Variants in RYK observed in about 807,000 individuals in gnomAD.
The protein encoded by RYK is inactive tyrosine-protein kinase RYK.
Under a neutral mutation model 70.2 loss-of-function variants are expected in RYK, and 21 were observed. The observed-to-expected ratio is 0.30, with a 90% CI of 0.21 to 0.43. The LOEUF (loss-of-function observed/expected upper bound fraction) is 0.43. Ranked by LOEUF, RYK falls within the 20% of genes least tolerant of loss-of-function variation. RYK has a pLI of 1.00. For synonymous variants in RYK, 267 were observed against 278.0 expected, an observed-to-expected ratio of 0.96 and a Z score of 0.39; for missense variants, 604 against 753.3, an observed-to-expected ratio of 0.80 and a Z score of 2.32.
Position 134,176,042 on chromosome 3 carries a change from G to A in RYK, c.1306-3C>T, listed in dbSNP as rs2013089786. 8 of 1,555,224 alleles carry A rather than the reference G, an allele frequency of 5.1e-6. 1 individual carries two copies. In the South Asian group the frequency reaches 9.5e-5, roughly 18 times the overall value. On this transcript the variant is annotated splice_polypyrimidine_tract_variant and splice_region_variant and intron_variant, in intron 11 of 14. Transcript: ENST00000623711. ...ACCAGGTCTTGCTGAGAAATTGCCT[G>A]TGGTAACAAAAAATAACATGGTTTG...
chr3:134,223,426 A>G (rs1463285046), intron 1 of RYK, among the ~76,000 whole-genome samples: 5 of 152,200 alleles, frequency 3.3e-5, no homozygotes, highest in African/African-American at 9.7e-5. Flanking sequence ...TTTAATCACT[A>G]CTTTTCAGTG....
intron 2 of RYK, among the ~76,000 whole-genome samples, chr3:134,213,535 CTG>C (rs35425641): frequency 0.14 from 21,877 of 152,088 alleles, 1,923 homozygotes; most frequent in East Asian, 0.47. Flanking sequence ...GTCAAGAACA[CTG>C]TTGCAGGCCT....
intron 1 of RYK, among the ~76,000 whole-genome samples, chr3:134,250,101 G>A (rs944585153): frequency 6.6e-6 from 1 of 151,896 alleles, no homozygotes; most frequent in African/African-American, 2.4e-5. Context: ...GTGCAGCAAG[G>A]AAAAAAAGTT....
At chr3:134,211,250 G>C (rs1327051606) in intron 3 of RYK, among the ~76,000 whole-genome samples, 1 of 152,202 alleles carries the variant, frequency 6.6e-6, no homozygotes, top group African/African-American at 2.4e-5. Context: ...CAGGCACAGG[G>C]ACTCATGTGG....
rs1286389113 is a variant in RYK, at chr3:134,157,868, G to T, written c.*285C>A. On this transcript the variant is annotated 3_prime_UTR_variant, in exon 15 of 15. Coordinates refer to ENST00000623711, the MANE Select transcript of RYK (RefSeq NM_002958.4). ...ATTTTAAAAACTGTTTATTTATTTT[G>T]TAAGAATGTACCCCTAGTCCAAAGT... 3 of 263,704 alleles carry T rather than the reference G, an allele frequency of 1.1e-5. No homozygotes were observed. 16.3% of individuals were successfully genotyped at this position (263,704 alleles called of 1,614,324 possible).
At chr3:134,182,889 A>C (rs9829505) in intron 10 of RYK, 113 bp downstream of exon 10, 192,056 of 535,242 alleles carry the variant, frequency 0.36, 38,212 homozygotes, top group Middle Eastern at 0.5. Context: ...AAAAAAATTA[A>C]GCTATTCCAC....
At chr3:134,240,850 A>T (rs1188734455) in intron 1 of RYK, among the ~76,000 whole-genome samples, 1 of 152,216 alleles carries the variant, frequency 6.6e-6, no homozygotes, top group African/African-American at 2.4e-5. Context: ...CCTTGCCTGC[A>T]GCTTCTTGGC....
intron 7 of RYK, among the ~76,000 whole-genome samples, chr3:134,193,285 G>A (rs888038017): frequency 2.6e-5 from 4 of 151,606 alleles, no homozygotes; most frequent in Non-Finnish European, 5.9e-5. Flanking sequence ...CTGGGTTCAC[G>A]CCATTCTCCT....
chr3:134,219,983 CA>C (rs1187565061), intron 2 of RYK, among the ~76,000 whole-genome samples: 4 of 152,166 alleles, frequency 2.6e-5, no homozygotes, highest in Admixed American at 6.5e-5. Flanking sequence ...AAAAACTTGA[CA>C]GGGGAGAAAT....
At chr3:134,160,949 CAAAT>C (rs1458107884) in intron 13 of RYK, among the ~76,000 whole-genome samples, 2 of 152,054 alleles carry the variant, frequency 1.3e-5, no homozygotes, top group African/African-American at 2.4e-5. Flanking sequence ...GTTTTTCAGA[CAAAT>C]AAAAGCAGAG....
rs1342155987 is a variant in RYK, at chr3:134,246,301, A to AACACACAC, written c.232+4121_232+4122insGTGTGTGT. On this transcript the variant is annotated intron_variant, in intron 1 of 14. Transcript: ENST00000623711. ...CAAACCAACAGACATCTCAGAAAGAAATACACACACACACACACACACACA... is the reference window on the plus strand; with the variant it reads ...CAAACCAACAGACATCTCAGAAAGAAACACACACATACACACACACACACACACACACA... 3.3e-3 allele frequency among the ~76,000 whole-genome samples: 343 copies of AACACACAC among 103,676 alleles called. 3 individuals are homozygous for AACACACAC. Among genetic ancestry groups the AACACACAC allele is most frequent in the African/African-American group, 0.012 (315 of 25,508 alleles). 68.0% of individuals were successfully genotyped at this position (103,676 alleles called of 152,430 possible).
At chr3:134,192,229 G>A (rs1049092275) in intron 7 of RYK, among the ~76,000 whole-genome samples, 1 of 152,074 alleles carries the variant, frequency 6.6e-6, no homozygotes, top group African/African-American at 2.4e-5. Flanking sequence ...CCTAAAAATA[G>A]TATTACCATG....
chr3:134,167,655 T>C (rs1055225084), intron 13 of RYK, among the ~76,000 whole-genome samples: 2 of 152,144 alleles, frequency 1.3e-5, no homozygotes, highest in Admixed American at 1.3e-4. Context: ...ATGTCAGACC[T>C]AAAACCATAA....
chr3:134,241,501 A>G (rs964836637), intron 1 of RYK, among the ~76,000 whole-genome samples: 5 of 152,132 alleles, frequency 3.3e-5, no homozygotes, highest in Admixed American at 1.3e-4. Flanking sequence ...GACTCTCCCC[A>G]CTGATTATAA....
At chr3:134,229,115 A>G (rs1230224877) in intron 1 of RYK, among the ~76,000 whole-genome samples, 3 of 152,208 alleles carry the variant, frequency 2.0e-5, no homozygotes, top group Admixed American at 6.5e-5. Context: ...AATCTGAGAT[A>G]TAAACCTAAA....
At chr3:134,248,012 G>A (rs955052081) in intron 1 of RYK, among the ~76,000 whole-genome samples, 26 of 152,120 alleles carry the variant, frequency 1.7e-4, no homozygotes, top group African/African-American at 6.0e-4. Context: ...CTGAGAATTC[G>A]GAGTGCCTTG....
chr3:134,232,944 A>C (rs2015099921), intron 1 of RYK, among the ~76,000 whole-genome samples: 1 of 152,258 alleles, frequency 6.6e-6, no homozygotes, highest in African/African-American at 2.4e-5. Flanking sequence ...GAGTCCTCTC[A>C]GCTCTATTTC....
intron 11 of RYK, among the ~76,000 whole-genome samples, chr3:134,177,579 G>C (rs2013148085): frequency 6.6e-6 from 1 of 152,216 alleles, no homozygotes; most frequent in Non-Finnish European, 1.5e-5. Flanking sequence ...CTTTGGTATA[G>C]TATGAACCAA....
In RYK at chr3:134,158,351, G is replaced by A. The variant is rs2012323376; in HGVS notation, c.1713-87C>T. On this transcript the variant is annotated intron_variant, in intron 14 of 14. Transcript: ENST00000623711. Reference sequence around the variant, plus strand: ...CAGTTTGATGCCAGTTATGTTGCCTGTCTAAAGGTGGGTATGGAGAGGATG... The same window carrying A: ...CAGTTTGATGCCAGTTATGTTGCCTATCTAAAGGTGGGTATGGAGAGGATG... 13 of 628,436 alleles carry A rather than the reference G, an allele frequency of 2.1e-5. 1 individual carries two copies. In the South Asian group the frequency reaches 4.4e-4, roughly 21 times the overall value. 38.9% of individuals were successfully genotyped at this position (628,436 alleles called of 1,614,324 possible). A position where few individuals can be genotyped will look rare whatever the true frequency, so the allele number is the denominator to read the frequency against.
Sources: gnomAD v4.1 joint callset for allele counts (sites outside exome capture counted in the v4.1 genomes callset) on GRCh38, gnomAD v4.1.1 for gene constraint, MANE v1.5 for transcripts, NCBI Gene and HGNC (gene_info 2026-07-23, HGNC 2026-07-21) for gene names.